The following ERBB4 variants were observed in gnomAD, a reference collection of about 807,000 sequenced individuals.
ERBB4 encodes receptor tyrosine-protein kinase erbB-4.
ERBB4 carries 42 observed loss-of-function variants against 158.0 expected under a neutral mutation model. The ratio of observed to expected loss-of-function variants is 0.27; its 90% confidence interval spans 0.21 to 0.34. The LOEUF (loss-of-function observed/expected upper bound fraction) is 0.34, where lower values mean the gene tolerates loss of function less well. Among genes scored for constraint, ERBB4 ranks in the 10% least tolerant of loss-of-function variants. The pLI is 1.00. For missense variants in ERBB4, 1,333 were observed against 1,624.1 expected (o/e 0.82, Z 3.08); for synonymous variants, 583 against 558.7 (o/e 1.04, Z -0.61).
At chr2:212,518,830 G>C (rs1353650754) in intron 1 of ERBB4, among the ~76,000 whole-genome samples, 1 of 151,956 alleles carries the variant, frequency 6.6e-6, no homozygotes, top group African/African-American at 2.4e-5. Flanking sequence ...TGGACAAACA[G>C]TGATTCCAGG....
At chr2:211,794,848 C>T (rs1174618740) in intron 3 of ERBB4, among the ~76,000 whole-genome samples, 7 of 151,680 alleles carry the variant, frequency 4.6e-5, no homozygotes, top group Admixed American at 6.6e-5. Flanking sequence ...ATAATTTTCC[C>T]GAGATTTGTA....
chr2:211,925,535 C>T (rs538603201), intron 3 of ERBB4, among the ~76,000 whole-genome samples: 248 of 152,002 alleles, frequency 1.6e-3, no homozygotes, highest in African/African-American at 5.8e-3. Context: ...GCACCCGCCA[C>T]ACCTGGCTAA....
chr2:212,113,341 T>C lies in ERBB4; in HGVS notation c.234+11411A>G, dbSNP rs1239356438. Reference sequence around the variant, plus strand: ...CTGTAATCCCGGCACTTTGAGAGGCTGAGGAGGGTTGATCATGAGGTCAGG... The same window carrying C: ...CTGTAATCCCGGCACTTTGAGAGGCCGAGGAGGGTTGATCATGAGGTCAGG... On this transcript the variant is annotated intron_variant, in intron 2 of 27. Transcript: ENST00000342788. Among the ~76,000 whole-genome samples the C allele has an allele frequency of 4.6e-5, 7 of 151,922 alleles. 1 individual carries two copies. The highest frequency in any genetic ancestry group is 1.7e-4 in the African/African-American group (7 of 41,352).
intron 2 of ERBB4, among the ~76,000 whole-genome samples, chr2:212,010,251 T>C (rs1158051215): frequency 6.6e-6 from 1 of 152,188 alleles, no homozygotes; most frequent in Non-Finnish European, 1.5e-5. Flanking sequence ...AGGTATTATT[T>C]ACCTTTTAAC....
chr2:212,115,569 G>C (rs1205578184), intron 2 of ERBB4, among the ~76,000 whole-genome samples: 1 of 152,094 alleles, frequency 6.6e-6, no homozygotes, highest in Non-Finnish European at 1.5e-5. Flanking sequence ...AATAAAAGAA[G>C]TAAAGAAATA....
At chr2:211,392,533 A>G (rs2062818733) in intron 25 of ERBB4, among the ~76,000 whole-genome samples, 1 of 148,142 alleles carries the variant, frequency 6.8e-6, no homozygotes, top group African/African-American at 2.5e-5. Flanking sequence ...GTGGGACTCT[A>G]CTTTTTTGAA....
chr2:212,034,333 A>G (rs2076967259), intron 2 of ERBB4, among the ~76,000 whole-genome samples: 1 of 152,016 alleles, frequency 6.6e-6, no homozygotes. Flanking sequence ...GACAAAATAT[A>G]TAAAAAGGAA....
rs187322891 is a variant in ERBB4 at position 211,854,140 on chromosome 2, T to C, written c.422-65981A>G. On this transcript the variant is annotated intron_variant, in intron 3 of 27. Coordinates refer to ENST00000342788, the MANE Select transcript of ERBB4 (RefSeq NM_005235.3). ...CAACAGTAAAAATTAGACCTAGACCTATATTTTATGAAATTACAAATCTCT... is the reference window on the plus strand; with the variant it reads ...CAACAGTAAAAATTAGACCTAGACCCATATTTTATGAAATTACAAATCTCT... 8.5e-4 allele frequency among the ~76,000 whole-genome samples: 129 copies of C among 152,210 alleles called. 1 individual carries two copies. The highest frequency in any genetic ancestry group is 1.6e-3 in the Non-Finnish European group (110 of 67,948).
chr2:212,187,238 G>A (rs1177515841), intron 1 of ERBB4, among the ~76,000 whole-genome samples: 1 of 151,978 alleles, frequency 6.6e-6, no homozygotes, highest in East Asian at 1.9e-4. Flanking sequence ...CATTGAGACT[G>A]TCATTTAAGA....
At chr2:212,189,755 T>G (rs2082131472) in intron 1 of ERBB4, among the ~76,000 whole-genome samples, 2 of 152,214 alleles carry the variant, frequency 1.3e-5, no homozygotes. Context: ...CTGAGTACCA[T>G]CCATAAGATT....
At chr2:211,981,890 A>G (rs1327811965) in intron 2 of ERBB4, among the ~76,000 whole-genome samples, 2 of 152,170 alleles carry the variant, frequency 1.3e-5, no homozygotes, top group Non-Finnish European at 2.9e-5. Flanking sequence ...CTCTCACTGA[A>G]TGGATAAAAA....
chr2:212,276,087 C>T (rs2085522843), intron 1 of ERBB4, among the ~76,000 whole-genome samples: 1 of 151,736 alleles, frequency 6.6e-6, no homozygotes, highest in South Asian at 2.1e-4. Context: ...GTTCCAGGGT[C>T]CATATAGTTA....
chr2:212,345,859 T>C (rs1188533752), intron 1 of ERBB4, among the ~76,000 whole-genome samples: 1 of 152,144 alleles, frequency 6.6e-6, no homozygotes, highest in Non-Finnish European at 1.5e-5. Context: ...AGATAAGTAA[T>C]TGTCCAGTTC....
chr2:212,432,118 G>T (rs2092043802), intron 1 of ERBB4, among the ~76,000 whole-genome samples: 1 of 152,128 alleles, frequency 6.6e-6, no homozygotes, highest in South Asian at 2.1e-4. Flanking sequence ...AACCCAGGTT[G>T]TCTGTTCTTT....
intron 3 of ERBB4, among the ~76,000 whole-genome samples, chr2:211,911,880 T>G (rs980939200): frequency 5.9e-5 from 9 of 151,676 alleles, no homozygotes; most frequent in Non-Finnish European, 5.9e-5. Context: ...TAGTAGAATA[T>G]TTTACATTTC....
rs537550230 is a variant in ERBB4 at position 211,678,823 on chromosome 2, C to T, written c.1622+229G>A. 3.1e-4 allele frequency among the ~76,000 whole-genome samples: 47 copies of T among 152,002 alleles called. No homozygotes were observed. In the South Asian group the frequency reaches 3.5e-3, roughly 11 times the overall value. On this transcript the variant is annotated intron_variant, in intron 13 of 27. Coordinates refer to ENST00000342788, the MANE Select transcript of ERBB4 (RefSeq NM_005235.3). ...CTACTAAAAAATACAAAAAATTAGC[C>T]GGGCATGGTGGCGGGCGCCTGTAAT...
At chr2:211,905,740 G>GTATATATATATA (rs1347742717) in intron 3 of ERBB4, among the ~76,000 whole-genome samples, 4 of 95,940 alleles carry the variant, frequency 4.2e-5, no homozygotes, top group African/African-American at 1.4e-4. Flanking sequence ...GTGTGCATGT[G>GTATATATATATA]TGTGTATATA....
chr2:211,953,517 A>G (rs1176047875), intron 2 of ERBB4, among the ~76,000 whole-genome samples: 2 of 151,682 alleles, frequency 1.3e-5, no homozygotes, highest in African/African-American at 4.8e-5. Flanking sequence ...GCAAAGACAA[A>G]ATCCTGACTC....
At chr2:211,592,009 C>T (rs901219590) in intron 19 of ERBB4, among the ~76,000 whole-genome samples, 3 of 152,118 alleles carry the variant, frequency 2.0e-5, no homozygotes, top group South Asian at 2.1e-4. Context: ...CTCTCGGCCC[C>T]GAAGACGGGG....
Sources: gnomAD v4.1 joint callset for allele counts (sites outside exome capture counted in the v4.1 genomes callset) on GRCh38, gnomAD v4.1.1 for gene constraint, MANE v1.5 for transcripts, NCBI Gene and HGNC (gene_info 2026-07-23, HGNC 2026-07-21) for gene names.